The following RASAL2 variants were observed in gnomAD, a reference collection of about 807,000 sequenced individuals.
The protein encoded by RASAL2 is RAS protein activator like 2.
In RASAL2, 58 loss-of-function variants were observed where a neutral mutation model predicts 128.9. That is an observed-to-expected ratio of 0.45 (90% confidence interval 0.36 to 0.56). The LOEUF (loss-of-function observed/expected upper bound fraction) is 0.56, where lower values mean the gene tolerates loss of function less well. Among genes scored for constraint, RASAL2 ranks in the 20% least tolerant of loss-of-function variants. The pLI, the probability that RASAL2 is intolerant of heterozygous loss-of-function variation, is 0.00. For missense variants in RASAL2, 1,360 were observed against 1,601.6 expected, an observed-to-expected ratio of 0.85 and a Z score of 2.57; for synonymous variants, 561 against 580.8, an observed-to-expected ratio of 0.97 and a Z score of 0.49.
At chr1:178,197,633 TTAAACA>T (rs1662709887) in intron 1 of RASAL2, among the ~76,000 whole-genome samples, 1 of 149,374 alleles carries the variant, frequency 6.7e-6, no homozygotes, top group African/African-American at 2.5e-5. Context: ...AAAAAAAAAG[TTAAACA>T]TGCTCATAGC....
At chr1:178,420,379 T>G (rs190481635) in intron 4 of RASAL2, 132 bp from the exon 5 acceptor site, 8 of 519,870 alleles carry the variant, frequency 1.5e-5, no homozygotes, top group South Asian at 1.3e-4. Flanking sequence ...TTTACAAAAT[T>G]AAAAAGCTTA....
intron 4 of RASAL2, among the ~76,000 whole-genome samples, chr1:178,415,927 A>G (rs1410499433): frequency 6.6e-6 from 1 of 151,912 alleles, no homozygotes; most frequent in African/African-American, 2.4e-5. Flanking sequence ...CCATCCATTT[A>G]CTATTAATCT....
intron 1 of RASAL2, among the ~76,000 whole-genome samples, chr1:178,137,704 T>G (rs1012129386): frequency 6.6e-6 from 1 of 152,166 alleles, no homozygotes; most frequent in Non-Finnish European, 1.5e-5. Flanking sequence ...TTGTCAGTGG[T>G]TTTAGGAAGA....
chr1:178,233,356 C>G (rs896888515), intron 1 of RASAL2, among the ~76,000 whole-genome samples: 1 of 152,190 alleles, frequency 6.6e-6, no homozygotes, highest in Non-Finnish European at 1.5e-5. Context: ...TTGTCAGAAC[C>G]TGCTTATGCA....
Position 178,313,267 on chromosome 1 carries a change from T to A in RASAL2, c.457+13149T>A, listed in dbSNP as rs1363019882. On this transcript the variant is annotated intron_variant, in intron 3 of 17. Transcript: ENST00000367649. ...GGAGGAGGAAGGATTCACATTCTCA[T>A]CTTTCATAGTGGAAAGTCAATAGAT... Among the ~76,000 whole-genome samples the A allele has an allele frequency of 5.3e-5, 8 of 152,304 alleles. No individual in the cohort carries two copies. The South Asian group carries it at 1.5e-3, about 28-fold the overall frequency.
At chr1:178,239,817 C>G (rs1571684528) in intron 1 of RASAL2, among the ~76,000 whole-genome samples, 1 of 151,982 alleles carries the variant, frequency 6.6e-6, no homozygotes, top group South Asian at 2.1e-4. Flanking sequence ...TTATTTACCT[C>G]TATCCTCTTG....
chr1:178,389,358 A>G (rs1339522909), intron 3 of RASAL2: 3 of 669,530 alleles, frequency 4.5e-6, no homozygotes, highest in Non-Finnish European at 5.5e-6. Context: ...ATGCATATAT[A>G]TATACACATG....
intron 3 of RASAL2, among the ~76,000 whole-genome samples, chr1:178,315,290 T>G (rs1272023901): frequency 6.8e-6 from 1 of 146,712 alleles, no homozygotes; most frequent in African/African-American, 2.7e-5. Context: ...TTTATAGTCA[T>G]TTGGGTATAT....
chr1:178,361,352 G>A (rs966318886), intron 3 of RASAL2, among the ~76,000 whole-genome samples: 7 of 151,984 alleles, frequency 4.6e-5, no homozygotes, highest in South Asian at 4.2e-4. Flanking sequence ...GGTGATAAAT[G>A]TATTGAACAT....
At chr1:178,379,246 T>G (rs1416590543) in intron 3 of RASAL2, among the ~76,000 whole-genome samples, 1 of 152,084 alleles carries the variant, frequency 6.6e-6, no homozygotes, top group Admixed American at 6.5e-5. Flanking sequence ...CTAGACACAG[T>G]GGAGCACACC....
intron 5 of RASAL2, among the ~76,000 whole-genome samples, chr1:178,434,095 G>A (rs1171654268): frequency 3.3e-5 from 5 of 152,074 alleles, no homozygotes; most frequent in Non-Finnish European, 5.9e-5. Flanking sequence ...TGGATTACGA[G>A]TTTGGTTTGG....
At chr1:178,162,994 A>G (rs949457276) in intron 1 of RASAL2, among the ~76,000 whole-genome samples, 2 of 152,042 alleles carry the variant, frequency 1.3e-5, no homozygotes, top group African/African-American at 4.8e-5. Context: ...TTTCCAAGAA[A>G]GAGTCTTGCT....
At chr1:178,314,544 T>C (rs182595156) in intron 3 of RASAL2, among the ~76,000 whole-genome samples, 5 of 152,164 alleles carry the variant, frequency 3.3e-5, no homozygotes, top group Admixed American at 6.5e-5. Flanking sequence ...AACTACTTTC[T>C]AATGTTCTAT....
At chr1:178,354,984 C>T (rs901495228) in intron 3 of RASAL2, among the ~76,000 whole-genome samples, 41 of 152,168 alleles carry the variant, frequency 2.7e-4, no homozygotes, top group Middle Eastern at 3.4e-3. Flanking sequence ...ATTAGCTGGG[C>T]GTGGTGGCAC....
chr1:178,133,737 GT>G (rs1660207967), intron 1 of RASAL2, among the ~76,000 whole-genome samples: 1 of 152,096 alleles, frequency 6.6e-6, no homozygotes, highest in Non-Finnish European at 1.5e-5. Context: ...TCCCCCTGAG[GT>G]TTAAATAAGT....
Position 178,319,080 on chromosome 1 carries a change from T to C in RASAL2, c.457+18962T>C, listed in dbSNP as rs563341991. On this transcript the variant is annotated intron_variant, in intron 3 of 17. Coordinates refer to ENST00000367649, the MANE Select transcript of RASAL2 (RefSeq NM_170692.4). ...CTTAGTTTGGCTGGATATGAAATTC[T>C]GGGTTGAAAATTCTTTTCTTTAAGA... is the stretch of plus-strand genomic sequence containing the variant. 1.5e-4 allele frequency among the ~76,000 whole-genome samples: 23 copies of C among 152,356 alleles called. No individual in the cohort carries two copies. The East Asian group carries it at 4.4e-3, about 29-fold the overall frequency.
At chr1:178,145,097 T>C (rs149565847) in intron 1 of RASAL2, among the ~76,000 whole-genome samples, 1,603 of 152,318 alleles carry the variant, frequency 0.011, 23 homozygotes, top group Non-Finnish European at 0.014. Context: ...AAAGTTATTT[T>C]ATAGCAAACA....
At chr1:178,299,069 C>T (rs1667646092) in intron 2 of RASAL2, among the ~76,000 whole-genome samples, 1 of 151,922 alleles carries the variant, frequency 6.6e-6, no homozygotes, top group African/African-American at 2.4e-5. Flanking sequence ...CAAATAACCG[C>T]TTGATATGTT....
intron 3 of RASAL2, among the ~76,000 whole-genome samples, chr1:178,347,963 A>G (rs1403817049): frequency 6.6e-6 from 1 of 152,280 alleles, no homozygotes; most frequent in African/African-American, 2.4e-5. Context: ...AATTCTATAC[A>G]GCAATGAAAA....
Sources: allele counts gnomAD v4.1 joint callset (sites outside exome capture counted in the v4.1 genomes callset), GRCh38; gene constraint gnomAD v4.1.1; transcripts MANE v1.5; gene names NCBI Gene and HGNC (gene_info 2026-07-23, HGNC 2026-07-21).